MAP3K9: variants seen among roughly 807,000 people sequenced by gnomAD.
MAP3K9 encodes mitogen-activated protein kinase kinase kinase 9.
A neutral mutation model predicts 95.8 loss-of-function variants in MAP3K9; 46 were observed. That is an observed-to-expected ratio of 0.48 (90% CI 0.38 to 0.61). The LOEUF (loss-of-function observed/expected upper bound fraction) is 0.61, where lower values mean the gene tolerates loss of function less well. Ranked by LOEUF, MAP3K9 falls within the 20% of genes least tolerant of loss-of-function variation. The probability of loss-of-function intolerance (pLI) is 0.00; values close to 1 mark genes in which losing one functional copy is unlikely to be tolerated. For synonymous variants in MAP3K9, 533 were observed against 593.8 expected (o/e 0.90, Z 1.49); for missense variants, 1,296 against 1,474.3 (o/e 0.88, Z 1.98).
At chr14:70,738,873 A>T (rs2054024173) in intron 7 of MAP3K9, among the ~76,000 whole-genome samples, 1 of 152,192 alleles carries the variant, frequency 6.6e-6, no homozygotes, top group Admixed American at 6.5e-5. Context: ...GGGAAGAAAG[A>T]GGCCTAGAGA....
chr14:70,753,941 C>G (rs972700149), intron 3 of MAP3K9, among the ~76,000 whole-genome samples: 1 of 152,090 alleles, frequency 6.6e-6, no homozygotes, highest in Admixed American at 6.5e-5. Context: ...TTTGTAGTAA[C>G]CTGCACCATC....
At chr14:70,808,426 G>T (rs1231333728) in intron 1 of MAP3K9, among the ~76,000 whole-genome samples, 1 of 110,296 alleles carries the variant, frequency 9.1e-6, no homozygotes, top group Non-Finnish European at 1.9e-5. Flanking sequence ...TCCAGATTGG[G>T]AATGGGGGGC....
chr14:70,780,736 A>G (rs2054664059), intron 2 of MAP3K9, among the ~76,000 whole-genome samples: 1 of 152,120 alleles, frequency 6.6e-6, no homozygotes, highest in Non-Finnish European at 1.5e-5. Context: ...ATCTCCTTAA[A>G]CACCTGCCTC....
In MAP3K9 at chr14:70,761,672, G is replaced by A. The variant is rs17108491; in HGVS notation, c.821-490C>T. Among the ~76,000 whole-genome samples, 953 of 152,234 alleles carry A rather than the reference G, an allele frequency of 6.3e-3. 16 individuals are homozygous for A. Among genetic ancestry groups the A allele is most frequent in the African/African-American group, 0.021 (890 of 41,538 alleles). On this transcript the variant is annotated intron_variant, in intron 2 of 11. Transcript: ENST00000554752. The stretch of plus-strand genomic sequence containing the variant: ...CTCAATAATCATGTCCTCAAATACC[G>A]GTATCTACCAAGCACCCGTTGCTAC...
In MAP3K9 at chr14:70,761,135, GA is replaced by G; in HGVS notation, c.867del (p.Leu290Ter). The part of the protein sequence containing the change: ...KVENGDLSNK[I>X]LKITDFGLAR... ...GCCAGGCCAAAATCAGTGATCTTCA[GA>G]ATCTTGTTGCTCAGGTCTCCATTCT... is the stretch of plus-strand genomic sequence containing the variant. On this transcript the variant is annotated frameshift_variant, in exon 3 of 12. Transcript: ENST00000554752. LOFTEE classifies it high-confidence loss of function. The G allele has an allele frequency of 6.2e-7, 1 of 1,614,044 alleles. No individual in the cohort carries two copies. Among genetic ancestry groups the G allele is most frequent in the South Asian group, 1.1e-5 (1 of 91,050 alleles).
chr14:70,784,344 C>T (rs2054721024), intron 2 of MAP3K9, among the ~76,000 whole-genome samples: 1 of 151,966 alleles, frequency 6.6e-6, no homozygotes, highest in Admixed American at 6.6e-5. Flanking sequence ...ACAACACAAA[C>T]ACAAGTAAGT....
In MAP3K9 at chr14:70,724,224, C is replaced by T. The variant is rs1010441809; in HGVS notation, c.*6156G>A. On this transcript the variant is annotated 3_prime_UTR_variant, in exon 12 of 12. Transcript: ENST00000554752. Reference sequence around the variant, plus strand: ...TTCCCTTCTCCAGAGAACACACACACACACAAGTGCCCTCAGGGCTGCAGA... The same window carrying T: ...TTCCCTTCTCCAGAGAACACACACATACACAAGTGCCCTCAGGGCTGCAGA... The T allele has an allele frequency of 6.6e-6, 1 of 152,292 alleles. No homozygotes were observed. Among genetic ancestry groups the T allele is most frequent in the African/African-American group, 2.4e-5 (1 of 41,452 alleles). 9.4% of individuals were successfully genotyped at this position (152,292 alleles called of 1,614,324 possible).
At chr14:70,800,179 A>C (rs1431712639) in intron 2 of MAP3K9, among the ~76,000 whole-genome samples, 4 of 152,208 alleles carry the variant, frequency 2.6e-5, no homozygotes, top group Non-Finnish European at 2.9e-5. Context: ...AATGGACATC[A>C]CCACCTGAAT....
At chr14:70,778,086 T>TTTG (rs141191354) in intron 2 of MAP3K9, among the ~76,000 whole-genome samples, 43,149 of 151,540 alleles carry the variant, frequency 0.28, 6,512 homozygotes, top group Admixed American at 0.33. Flanking sequence ...TTTTTTGTTG[T>TTTG]TTGTTGTTGT....
chr14:70,757,988 G>A (rs912924721), intron 3 of MAP3K9, among the ~76,000 whole-genome samples: 1 of 152,008 alleles, frequency 6.6e-6, no homozygotes, highest in Non-Finnish European at 1.5e-5. Context: ...CATGACTTTG[G>A]ACTAGGCAAT....
chr14:70,786,189 G>C (rs2054742765), intron 2 of MAP3K9, among the ~76,000 whole-genome samples: 1 of 152,142 alleles, frequency 6.6e-6, no homozygotes, highest in Non-Finnish European at 1.5e-5. Context: ...ACTAGCTGCT[G>C]TGCATTTGGG....
chr14:70,783,372 C>G (rs1389208401), intron 2 of MAP3K9: 2 of 985,326 alleles, frequency 2.0e-6, no homozygotes, highest in East Asian at 1.1e-4. Context: ...TCCTCAAATA[C>G]CCCTTTTTAA....
At chr14:70,777,572 T>C (rs957083985) in intron 2 of MAP3K9, among the ~76,000 whole-genome samples, 1 of 152,136 alleles carries the variant, frequency 6.6e-6, no homozygotes, top group African/African-American at 2.4e-5. Flanking sequence ...CAGAAAGTCT[T>C]CCCTATCAAA....
In MAP3K9 at chr14:70,725,936, G is replaced by C. The variant is rs991652386; in HGVS notation, c.*4444C>G. The C allele has an allele frequency of 6.6e-6, 1 of 152,240 alleles. No individual in the cohort carries two copies. Among genetic ancestry groups the C allele is most frequent in the Non-Finnish European group, 1.5e-5 (1 of 68,074 alleles). 9.4% of individuals were successfully genotyped at this position (152,240 alleles called of 1,614,324 possible). A position where few individuals can be genotyped will look rare whatever the true frequency, so the allele number is the denominator to read the frequency against. On this transcript the variant is annotated 3_prime_UTR_variant, in exon 12 of 12. Transcript: ENST00000554752. ...CCCAGGACCATACATTTGAAAGTTA[G>C]AAGGGCTTCAGGAGGGAAAGTAGAT...
intron 2 of MAP3K9, among the ~76,000 whole-genome samples, chr14:70,775,174 T>G (rs540283995): frequency 1.2e-4 from 18 of 152,112 alleles, no homozygotes; most frequent in Non-Finnish European, 2.2e-4. Context: ...TATTTAATAA[T>G]AATAGCAGCT....
chr14:70,774,083 T>C (rs2054564271), intron 2 of MAP3K9, among the ~76,000 whole-genome samples: 1 of 152,236 alleles, frequency 6.6e-6, no homozygotes, highest in Non-Finnish European at 1.5e-5. Flanking sequence ...GCCGTAAAGT[T>C]AATCAACCTG....
At chr14:70,764,134 C>T (rs958145094) in intron 2 of MAP3K9, among the ~76,000 whole-genome samples, 31 of 127,950 alleles carry the variant, frequency 2.4e-4, no homozygotes, top group Admixed American at 1.3e-3. Context: ...TGCAGTGAGC[C>T]GAGATTGCGC....
In MAP3K9 at chr14:70,806,167, G is replaced by A. The variant is rs1450221926; in HGVS notation, c.406+2599C>T. On this transcript the variant is annotated intron_variant, in intron 1 of 11. Coordinates refer to ENST00000554752, the MANE Select transcript of MAP3K9 (RefSeq NM_001284230.2). ...TCTTCGGAGACAAGGTTTGTCAATC[G>A]TCTTCACTTTCCGAGTGACACAAAC... is the stretch of plus-strand genomic sequence containing the variant. Among the ~76,000 whole-genome samples, 5 of 152,282 alleles carry A rather than the reference G, an allele frequency of 3.3e-5. No individual in the cohort carries two copies. The East Asian group carries it at 9.6e-4, about 29-fold the overall frequency.
chr14:70,806,534 G>C (rs948303806), intron 1 of MAP3K9, among the ~76,000 whole-genome samples: 1 of 152,174 alleles, frequency 6.6e-6, no homozygotes, highest in African/African-American at 2.4e-5. Context: ...ATTAGAACAA[G>C]TTACTTCCTA....
Sources: allele counts gnomAD v4.1 joint callset (sites outside exome capture counted in the v4.1 genomes callset), GRCh38; gene constraint gnomAD v4.1.1; transcripts MANE v1.5; gene names NCBI Gene and HGNC (gene_info 2026-07-23, HGNC 2026-07-21).